GRIN2B: variants seen among roughly 807,000 people sequenced by gnomAD.
The protein encoded by GRIN2B is glutamate ionotropic receptor NMDA type subunit 2B.
Under a neutral mutation model 114.5 loss-of-function variants are expected in GRIN2B, and 5 were observed. The observed-to-expected ratio is 0.04, with a 90% CI of 0.02 to 0.09. The LOEUF is 0.09. GRIN2B is among the 10% of genes least tolerant of loss of function. The pLI, the probability that GRIN2B is intolerant of heterozygous loss-of-function variation, is 1.00. For missense variants in GRIN2B, 1,108 were observed against 1,943.5 expected, an observed-to-expected ratio of 0.57 and a Z score of 8.08; for synonymous variants, 787 against 745.1, an observed-to-expected ratio of 1.06 and a Z score of -0.92.
At chr12:13,636,335 C>T (rs1949665382) in intron 5 of GRIN2B, among the ~76,000 whole-genome samples, 1 of 152,140 alleles carries the variant, frequency 6.6e-6, no homozygotes, top group Non-Finnish European at 1.5e-5. Context: ...CATGCTGGGC[C>T]TGCAGCCATA....
At chr12:13,891,254 T>G (rs1866257817) in intron 2 of GRIN2B, among the ~76,000 whole-genome samples, 1 of 152,172 alleles carries the variant, frequency 6.6e-6, no homozygotes, top group Admixed American at 6.5e-5. Context: ...ACTCTGGCAT[T>G]TTTCTTTTAA....
intron 5 of GRIN2B, among the ~76,000 whole-genome samples, chr12:13,659,901 TATTG>T (rs1949903874): frequency 6.6e-6 from 1 of 152,186 alleles, no homozygotes; most frequent in African/African-American, 2.4e-5. Flanking sequence ...AAAGCACAAA[TATTG>T]ATTATCCCAC....
At chr12:13,698,400 T>C (rs1950280612) in intron 4 of GRIN2B, among the ~76,000 whole-genome samples, 1 of 152,224 alleles carries the variant, frequency 6.6e-6, no homozygotes, top group East Asian at 1.9e-4. Flanking sequence ...TAGTTGAAGT[T>C]GCTTTGATAG....
intron 4 of GRIN2B, among the ~76,000 whole-genome samples, chr12:13,739,630 C>T (rs1863246861): frequency 6.6e-6 from 1 of 151,852 alleles, no homozygotes; most frequent in African/African-American, 2.4e-5. Flanking sequence ...CGGTGTAATA[C>T]TTGTGGCTGA....
At chr12:13,614,330 C>T (rs1007215812) in intron 8 of GRIN2B, among the ~76,000 whole-genome samples, 7 of 152,154 alleles carry the variant, frequency 4.6e-5, no homozygotes, top group Non-Finnish European at 1.0e-4. Flanking sequence ...GGTGACTCGT[C>T]CAGGGGCTTA....
chr12:13,856,296 T>A (rs1430210160), intron 3 of GRIN2B, among the ~76,000 whole-genome samples: 2 of 152,188 alleles, frequency 1.3e-5, no homozygotes, highest in Non-Finnish European at 2.9e-5. Flanking sequence ...AGAGAAATCC[T>A]GGAGAGGTGG....
At chr12:13,900,503 T>C (rs1408815349) in intron 2 of GRIN2B, among the ~76,000 whole-genome samples, 4 of 152,012 alleles carry the variant, frequency 2.6e-5, no homozygotes, top group Non-Finnish European at 5.9e-5. Context: ...ATAAAACATT[T>C]ATGCACATTG....
intron 3 of GRIN2B, among the ~76,000 whole-genome samples, chr12:13,814,311 C>T (rs1002546350): frequency 6.6e-6 from 1 of 152,206 alleles, no homozygotes; most frequent in African/African-American, 2.4e-5. Flanking sequence ...CAAGCCAGAT[C>T]TCACATGCTA....
intron 3 of GRIN2B, among the ~76,000 whole-genome samples, chr12:13,852,263 C>A (rs752556232): frequency 6.6e-6 from 1 of 152,126 alleles, no homozygotes; most frequent in African/African-American, 2.4e-5. Flanking sequence ...AGTGCCACCA[C>A]CCCACTTTGG....
chr12:13,667,477 G>A (rs998747297), intron 5 of GRIN2B, among the ~76,000 whole-genome samples: 2 of 152,074 alleles, frequency 1.3e-5, no homozygotes, highest in Non-Finnish European at 2.9e-5. Flanking sequence ...ACTTTAAAAA[G>A]CAATCTTATG....
At chr12:13,761,878 G>T (rs1195755175) in intron 3 of GRIN2B, among the ~76,000 whole-genome samples, 1 of 152,216 alleles carries the variant, frequency 6.6e-6, no homozygotes, top group Admixed American at 6.5e-5. Context: ...TAATTAAGTA[G>T]TAGCGTTATC....
intron 4 of GRIN2B, among the ~76,000 whole-genome samples, chr12:13,707,510 C>T (rs949014654): frequency 1.3e-5 from 2 of 152,036 alleles, no homozygotes; most frequent in Non-Finnish European, 2.9e-5. Flanking sequence ...AAAAGATTAA[C>T]ATTATTTTCT....
chr12:13,541,422 G>A lies in GRIN2B; in HGVS notation c.*21361C>T, dbSNP rs577559898. ...GAGATCTGAGGCAGGGTAAATGGAAGTCACATTGTTTTCTGCACATCTTCC... is the reference window on the plus strand; with the variant it reads ...GAGATCTGAGGCAGGGTAAATGGAAATCACATTGTTTTCTGCACATCTTCC... On this transcript the variant is annotated 3_prime_UTR_variant, in exon 14 of 14. Coordinates refer to ENST00000609686, the MANE Select transcript of GRIN2B (RefSeq NM_000834.5). 2.0e-5 allele frequency: 3 copies of A among 152,358 alleles called. No homozygotes were observed. The highest frequency in any genetic ancestry group is 2.9e-5 in the Non-Finnish European group (2 of 68,054). The allele number at this position is 152,358 out of a possible 1,614,324, so 9.4% of individuals were successfully genotyped here. A position where few individuals can be genotyped will look rare whatever the true frequency, so the allele number is the denominator to read the frequency against.
At chr12:13,807,045 A>G (rs1864613953) in intron 3 of GRIN2B, among the ~76,000 whole-genome samples, 1 of 152,114 alleles carries the variant, frequency 6.6e-6, no homozygotes, top group African/African-American at 2.4e-5. Context: ...ATAACACTTT[A>G]TATAAACATA....
intron 4 of GRIN2B, among the ~76,000 whole-genome samples, chr12:13,697,121 A>C (rs1269440493): frequency 6.6e-6 from 1 of 152,076 alleles, no homozygotes; most frequent in Non-Finnish European, 1.5e-5. Context: ...CCCACCCCCA[A>C]AATGCAATGA....
At chr12:13,687,802 T>C (rs765717905) in intron 4 of GRIN2B, among the ~76,000 whole-genome samples, 33 of 152,242 alleles carry the variant, frequency 2.2e-4, no homozygotes, top group Non-Finnish European at 4.4e-4. Context: ...AAGTCAACTG[T>C]AGTTTAGCTT....
intron 3 of GRIN2B, among the ~76,000 whole-genome samples, chr12:13,804,777 T>C (rs1864573847): frequency 6.6e-6 from 1 of 152,162 alleles, no homozygotes; most frequent in African/African-American, 2.4e-5. Flanking sequence ...TAGAAGAGTG[T>C]CTTGTAGCAA....
chr12:13,773,830 G>C (rs1863952208), intron 3 of GRIN2B, among the ~76,000 whole-genome samples: 1 of 152,194 alleles, frequency 6.6e-6, no homozygotes, highest in Admixed American at 6.5e-5. Context: ...GAGGTACATA[G>C]AGGGGAACTA....
chr12:13,874,876 A>G (rs1865970962), intron 2 of GRIN2B, among the ~76,000 whole-genome samples: 3 of 152,158 alleles, frequency 2.0e-5, no homozygotes, highest in Admixed American at 2.0e-4. Flanking sequence ...GGGACAGACC[A>G]CCAAACCTAT....
Sources: gnomAD v4.1 joint callset for allele counts (sites outside exome capture counted in the v4.1 genomes callset) on GRCh38, gnomAD v4.1.1 for gene constraint, MANE v1.5 for transcripts, NCBI Gene and HGNC (gene_info 2026-07-23, HGNC 2026-07-21) for gene names.